EEIG2: variants seen among roughly 807,000 people sequenced by gnomAD.
EEIG2 encodes EEIG family member 2.
the EEIG2 span, among the ~76,000 whole-genome samples, chr1:108,610,727 G>A: frequency 1.3e-5 from 2 of 152,082 alleles, no homozygotes; most frequent in Non-Finnish European, 1.5e-5. Context: ...TCAGGAGATC[G>A]AGACCATCCT....
chr1:108,605,136 A>T, the EEIG2 span, among the ~76,000 whole-genome samples: 1 of 152,218 alleles, frequency 6.6e-6, no homozygotes, highest in Non-Finnish European at 1.5e-5. Flanking sequence ...AGAGAGTAGG[A>T]TATAGCAAAT....
the EEIG2 span, among the ~76,000 whole-genome samples, chr1:108,599,323 A>G: frequency 6.6e-6 from 1 of 152,134 alleles, no homozygotes; most frequent in Admixed American, 6.5e-5. Flanking sequence ...TACCAGTCCT[A>G]TCACTCCGTA....
At chr1:108,612,124 T>C in the EEIG2 span, 1 of 1,248,000 alleles carries the variant, frequency 8.0e-7, no homozygotes, top group Non-Finnish European at 1.1e-6. Flanking sequence ...TTAAGGAGCA[T>C]ATGATAGAAG....
chr1:108,628,141 T>C, the EEIG2 span: 1 of 1,604,820 alleles, frequency 6.2e-7, no homozygotes, highest in Non-Finnish European at 8.5e-7. Context: ...GCAATAAGAA[T>C]GACATCATGT....
At chr1:108,601,619 C>T in the EEIG2 span, among the ~76,000 whole-genome samples, 15 of 152,078 alleles carry the variant, frequency 9.9e-5, 2 homozygotes, top group African/African-American at 3.6e-4. Context: ...CAAATTGTGA[C>T]AAAGGACTAC....
At chr1:108,628,535 A>T in the EEIG2 span, 8 of 1,614,106 alleles carry the variant, frequency 5.0e-6, no homozygotes, top group Non-Finnish European at 6.8e-6. Context: ...CGCTGAGCCA[A>T]ATCTTGATAC....
the EEIG2 span, among the ~76,000 whole-genome samples, chr1:108,613,596 T>C: frequency 6.6e-6 from 1 of 152,174 alleles, no homozygotes; most frequent in African/African-American, 2.4e-5. Flanking sequence ...TCTCTCCCAC[T>C]TTGTCCTACA....
At chr1:108,614,448 C>T in the EEIG2 span, among the ~76,000 whole-genome samples, 1 of 152,148 alleles carries the variant, frequency 6.6e-6, no homozygotes, top group Non-Finnish European at 1.5e-5. Flanking sequence ...TATTCTGTCT[C>T]ATACCTTTTT....
the EEIG2 span, among the ~76,000 whole-genome samples, chr1:108,611,353 G>A: frequency 3.3e-5 from 5 of 152,198 alleles, no homozygotes; most frequent in African/African-American, 1.2e-4. Flanking sequence ...CAATGAGGTT[G>A]ATTTGTTGTA....
At chr1:108,615,425 CTG>C in the EEIG2 span, among the ~76,000 whole-genome samples, 20 of 152,172 alleles carry the variant, frequency 1.3e-4, no homozygotes, top group South Asian at 3.9e-3. Context: ...CTATGACTGA[CTG>C]TTAAAGGTAG....
the EEIG2 span, among the ~76,000 whole-genome samples, chr1:108,568,237 A>G: frequency 1.2e-3 from 188 of 152,326 alleles, no homozygotes; most frequent in Non-Finnish European, 2.2e-3. Context: ...ATTGGGAGAA[A>G]AGATCTGTTG....
At chr1:108,623,038 C>T in the EEIG2 span, among the ~76,000 whole-genome samples, 1 of 152,178 alleles carries the variant, frequency 6.6e-6, no homozygotes, top group African/African-American at 2.4e-5. Context: ...AGTTAGAGAC[C>T]AGCCTGGGCA....
chr1:108,629,770 A>ATAG, the EEIG2 span: 2 of 762,084 alleles, frequency 2.6e-6, no homozygotes, highest in African/African-American at 1.7e-5. Flanking sequence ...GGAAACACAG[A>ATAG]TAGTAGTAGT....
At chr1:108,584,278 A>C in the EEIG2 span, among the ~76,000 whole-genome samples, 1 of 152,208 alleles carries the variant, frequency 6.6e-6, no homozygotes, top group African/African-American at 2.4e-5. Flanking sequence ...AAATAGGGAT[A>C]CAAATATTAA....
At chr1:108,633,072 G>A in the EEIG2 span, among the ~76,000 whole-genome samples, 30 of 151,164 alleles carry the variant, frequency 2.0e-4, no homozygotes, top group African/African-American at 3.2e-4. Flanking sequence ...GGCATGAGCC[G>A]TTGTGCCAAG....
chr1:108,613,533 AG>A, the EEIG2 span, among the ~76,000 whole-genome samples: 1 of 152,258 alleles, frequency 6.6e-6, no homozygotes, highest in East Asian at 1.9e-4. Flanking sequence ...CTTTCCTAAG[AG>A]CCAACTCATG....
the EEIG2 span, among the ~76,000 whole-genome samples, chr1:108,633,779 A>C: frequency 1.3e-5 from 2 of 152,078 alleles, no homozygotes; most frequent in African/African-American, 4.8e-5. Flanking sequence ...TACAGTTTTC[A>C]TCAAATCTGG....
the EEIG2 span, chr1:108,635,381 G>A: frequency 1.9e-6 from 1 of 519,684 alleles, no homozygotes. Flanking sequence ...GAAGCACCTG[G>A]CTTCTGTGGT....
At chr1:108,589,307 AATG>A in the EEIG2 span, among the ~76,000 whole-genome samples, 3 of 152,094 alleles carry the variant, frequency 2.0e-5, no homozygotes, top group African/African-American at 7.2e-5. Context: ...TACATGTTAA[AATG>A]AAATCCTCAC....
Sources: allele counts gnomAD v4.1 joint callset (sites outside exome capture counted in the v4.1 genomes callset), GRCh38; gene constraint gnomAD v4.1.1; transcripts MANE v1.5; gene names NCBI Gene and HGNC (gene_info 2026-07-23, HGNC 2026-07-21).